Variants in ASIC2 observed in about 807,000 individuals in gnomAD.
ASIC2 encodes the protein acid-sensing ion channel 2.
A neutral mutation model predicts 57.3 loss-of-function variants in ASIC2; 25 were observed. The ratio of observed to expected loss-of-function variants is 0.44; its 90% CI spans 0.32 to 0.61. The LOEUF is 0.61. ASIC2 is among the 20% of genes least tolerant of loss of function. The pLI is 0.06. For synonymous variants in ASIC2, 319 were observed against 307.5 expected (o/e 1.04, Z -0.39); for missense variants, 641 against 738.1 (o/e 0.87, Z 1.52).
intron 1 of ASIC2, among the ~76,000 whole-genome samples, chr17:34,096,862 A>T (rs1910567478): frequency 6.9e-6 from 1 of 145,370 alleles, no homozygotes. Context: ...ATCTCAAAAA[A>T]AAAAAAAAAA....
rs545192113 is a variant in ASIC2, at chr17:33,612,421, T to C, written c.556-500354A>G. On this transcript the variant is annotated intron_variant, in intron 1 of 9. Coordinates refer to the ASIC2 transcript ENST00000359872. ...AAATGGCAAAAGGGCGTTTTGGGGA[T>C]CCTGGCCAAACAATGAGGAAGAGAG... 4.6e-5 allele frequency among the ~76,000 whole-genome samples: 7 copies of C among 152,266 alleles called. No individual in the cohort carries two copies. In the South Asian group the frequency reaches 1.5e-3, roughly 32 times the overall value.
chr17:33,542,249 G>T (rs960871691), intron 1 of ASIC2, among the ~76,000 whole-genome samples: 3 of 151,194 alleles, frequency 2.0e-5, no homozygotes, highest in African/African-American at 2.4e-5. Flanking sequence ...ATAGTCATTT[G>T]GGTATATACC....
intron 1 of ASIC2, among the ~76,000 whole-genome samples, chr17:34,151,852 C>T (rs1183041166): frequency 3.3e-5 from 5 of 152,096 alleles, no homozygotes; most frequent in African/African-American, 7.2e-5. Flanking sequence ...TGAGTCAGCA[C>T]GATAGCTCTA....
intron 1 of ASIC2, among the ~76,000 whole-genome samples, chr17:33,561,168 T>C (rs953758632): frequency 1.1e-4 from 16 of 152,184 alleles, no homozygotes; most frequent in African/African-American, 3.4e-4. Context: ...TGGTAAGAAT[T>C]CTTTCCACTT....
chr17:33,224,776 C>A (rs181190187), intron 1 of ASIC2, among the ~76,000 whole-genome samples: 1 of 152,276 alleles, frequency 6.6e-6, no homozygotes, highest in Admixed American at 6.5e-5. Flanking sequence ...AAGAGGCCTG[C>A]AGTTGCTCAG....
intron 1 of ASIC2, among the ~76,000 whole-genome samples, chr17:33,195,871 C>T (rs917497005): frequency 6.6e-6 from 1 of 152,190 alleles, no homozygotes; most frequent in African/African-American, 2.4e-5. Flanking sequence ...CTCCTGCTTA[C>T]CTGTTGGGTG....
intron 1 of ASIC2, among the ~76,000 whole-genome samples, chr17:34,028,865 C>A (rs536370470): frequency 2.6e-5 from 4 of 152,278 alleles, no homozygotes; most frequent in Admixed American, 6.5e-5. Flanking sequence ...TCCTACCAGT[C>A]CCCCCATCTC....
chr17:33,924,112 G>A (rs1417939328), intron 1 of ASIC2, among the ~76,000 whole-genome samples: 1 of 152,224 alleles, frequency 6.6e-6, no homozygotes, highest in Non-Finnish European at 1.5e-5. Context: ...GGGCAGGTCA[G>A]AGAGCAAGTC....
intron 1 of ASIC2, among the ~76,000 whole-genome samples, chr17:33,339,024 C>T (rs1907629852): frequency 2.0e-5 from 3 of 151,978 alleles, no homozygotes; most frequent in South Asian, 4.1e-4. Context: ...ATATTTAACA[C>T]TACTGAACTG....
rs367724853 is a variant in ASIC2 at position 33,020,629 on chromosome 17, G to A, written c.1441+590C>T. Among the ~76,000 whole-genome samples the A allele has an allele frequency of 7.2e-5, 11 of 152,292 alleles. No homozygotes were observed. The East Asian group carries it at 1.3e-3, about 19-fold the overall frequency. On this transcript the variant is annotated intron_variant, in intron 7 of 9. Coordinates refer to ENST00000225823, the MANE Select transcript of ASIC2 (RefSeq NM_183377.2). ...CATCAGATGCCACTGGAGCCGGGGAGCTCATGCGAACTTTTGTGGGGTGGC... is the reference window on the plus strand; with the variant it reads ...CATCAGATGCCACTGGAGCCGGGGAACTCATGCGAACTTTTGTGGGGTGGC...
At chr17:33,345,382 A>G (rs1907903468) in intron 1 of ASIC2, among the ~76,000 whole-genome samples, 1 of 152,250 alleles carries the variant, frequency 6.6e-6, no homozygotes, top group Non-Finnish European at 1.5e-5. Context: ...ATTCAGTGAC[A>G]GGAGATGGTC....
chr17:33,693,058 A>G (rs535756417), intron 1 of ASIC2, among the ~76,000 whole-genome samples: 58 of 152,196 alleles, frequency 3.8e-4, no homozygotes, highest in Non-Finnish European at 7.2e-4. Context: ...CTCAATGTTT[A>G]TCACATAATC....
chr17:33,039,396 C>T lies in ASIC2; in HGVS notation c.988-11004G>A, dbSNP rs117608648. On this transcript the variant is annotated intron_variant, in intron 3 of 9. Transcript: ENST00000225823. ...GTGTCTGAGATCCTGGCTCGTCTTC[C>T]GCTGGGAATGACTATTTAAGAGCCT... 5.3e-5 allele frequency among the ~76,000 whole-genome samples: 8 copies of T among 152,260 alleles called. No individual in the cohort carries two copies. The East Asian group carries it at 1.2e-3, about 22-fold the overall frequency.
intron 2 of ASIC2, among the ~76,000 whole-genome samples, chr17:33,095,953 A>G (rs1049641380): frequency 6.6e-6 from 1 of 152,200 alleles, no homozygotes; most frequent in African/African-American, 2.4e-5. Flanking sequence ...GGCTTGGCCC[A>G]TCAGCAGCTG....
intron 1 of ASIC2, among the ~76,000 whole-genome samples, chr17:33,963,284 G>T (rs1372323015): frequency 6.6e-6 from 1 of 152,128 alleles, no homozygotes; most frequent in Non-Finnish European, 1.5e-5. Context: ...TGTTTTCTGG[G>T]TGCATCAGGT....
intron 1 of ASIC2, among the ~76,000 whole-genome samples, chr17:33,826,060 TG>T (rs757699648): frequency 3.3e-5 from 5 of 152,218 alleles, no homozygotes; most frequent in Non-Finnish European, 7.3e-5. Context: ...GAACTAATGT[TG>T]AATTATGATG....
chr17:33,548,886 G>A (rs1475328822), intron 1 of ASIC2, among the ~76,000 whole-genome samples: 3 of 151,908 alleles, frequency 2.0e-5, no homozygotes, highest in African/African-American at 7.3e-5. Flanking sequence ...TCACAACTTA[G>A]TTCAAATGAC....
chr17:33,179,977 C>T (rs545302571), intron 1 of ASIC2, among the ~76,000 whole-genome samples: 2 of 152,342 alleles, frequency 1.3e-5, no homozygotes, highest in South Asian at 4.1e-4. Flanking sequence ...CAGTTTCAAT[C>T]TATCTGTAAT....
At chr17:33,947,496 T>C (rs1904416128) in intron 1 of ASIC2, among the ~76,000 whole-genome samples, 1 of 152,192 alleles carries the variant, frequency 6.6e-6, no homozygotes, top group Non-Finnish European at 1.5e-5. Flanking sequence ...GAAGGCACCA[T>C]AGAAGTAGTC....
Sources: allele counts gnomAD v4.1 joint callset (sites outside exome capture counted in the v4.1 genomes callset), GRCh38; gene constraint gnomAD v4.1.1; transcripts MANE v1.5; gene names NCBI Gene and HGNC (gene_info 2026-07-23, HGNC 2026-07-21).